UNC45A: variants seen among roughly 807,000 people sequenced by gnomAD.
UNC45A encodes the protein protein unc-45 homolog A.
UNC45A carries 78 observed loss-of-function variants against 103.2 expected under a neutral mutation model. That is an observed-to-expected ratio of 0.76 (90% CI 0.63 to 0.91). The LOEUF is 0.91. UNC45A is among the 40% of genes least tolerant of loss of function. The pLI, the probability that UNC45A is intolerant of heterozygous loss-of-function variation, is 0.00. For synonymous variants in UNC45A, 495 were observed against 504.6 expected (o/e 0.98, Z 0.25); for missense variants, 1,193 against 1,224.8 (o/e 0.97, Z 0.39).
chr15:90,948,822 G>A, intron 13 of UNC45A, 28 bp downstream of exon 13: 1 of 1,564,098 alleles, frequency 6.4e-7, no homozygotes, highest in Non-Finnish European at 8.7e-7. Flanking sequence ...GGGCTAGAGG[G>A]TTCCCCACCA....
Position 90,948,831 on chromosome 15 carries a change from C to T in UNC45A, c.1878+37C>T, listed in dbSNP as rs1334619203. ...CCAGAGGGGCTAGAGGGTTCCCCAC[C>T]ATGGGGACAGCTAACCCAGGGCATC... On this transcript the variant is annotated intron_variant, in intron 13 of 19. Coordinates refer to ENST00000418476, the MANE Select transcript of UNC45A (RefSeq NM_018671.5). 9 of 1,544,344 alleles carry T rather than the reference C, an allele frequency of 5.8e-6. No individual in the cohort carries two copies. The Admixed American group carries it at 6.0e-5, about 10-fold the overall frequency.
chr15:90,950,705 G>GGT (rs1421050120), intron 17 of UNC45A, 90 bp downstream of exon 17: 19 of 1,313,818 alleles, frequency 1.4e-5, no homozygotes, highest in Non-Finnish European at 1.8e-5. Flanking sequence ...AACACTCCTT[G>GGT]GTCATGGGCT....
rs769184246 is a variant in UNC45A at position 90,953,122 on chromosome 15, C to T, written c.2422-33C>T. On this transcript the variant is annotated intron_variant, in intron 18 of 19. Transcript: ENST00000418476. Reference sequence around the variant, plus strand: ...TGCCCTGGCTGGGCTTTACACCCAACTGACTTGGTCCACTCCTCACATCTG... The same window carrying T: ...TGCCCTGGCTGGGCTTTACACCCAATTGACTTGGTCCACTCCTCACATCTG... The T allele has an allele frequency of 3.1e-6, 5 of 1,612,900 alleles. No individual in the cohort carries two copies. In the Admixed American group the frequency reaches 8.3e-5, roughly 27 times the overall value.
chr15:90,936,774 T>C (rs1176563966), intron 4 of UNC45A, among the ~76,000 whole-genome samples: 2 of 152,170 alleles, frequency 1.3e-5, no homozygotes, highest in African/African-American at 4.8e-5. Flanking sequence ...CTTTAGCATA[T>C]CTATTCAATT....
In UNC45A at chr15:90,953,321, C is replaced by T. The variant is rs2037034218; in HGVS notation, c.2577+11C>T. The T allele has an allele frequency of 6.2e-7, 1 of 1,604,268 alleles. No homozygotes were observed. The highest frequency in any genetic ancestry group is 1.3e-5 in the African/African-American group (1 of 74,826). On this transcript the variant is annotated intron_variant, in intron 19 of 19. Coordinates refer to ENST00000418476, the MANE Select transcript of UNC45A (RefSeq NM_018671.5). ...CGCATTCCCCAAGTGGTCAGTGCCT[C>T]TTCTCAGTGGGGGAGGAGGGACGGA...
Position 90,948,210 on chromosome 15 carries a change from C to T in UNC45A, c.1664C>T (p.Thr555Ile), listed in dbSNP as rs200413252. ...GCAGTGGAGGGCCTGGCTTACCTGA[C>T]CTTTGATGCCGACGTGAAGGAAGAG... ...RWAVEGLAYL[T>I]FDADVKEEFV... is the part of the protein sequence containing the mutation. Residue 555 changes from threonine (T) to isoleucine (I), a missense_variant, in exon 12 of 20, where the codon ACC becomes ATC. Transcript: ENST00000418476. 12 of 1,614,168 alleles carry T rather than the reference C, an allele frequency of 7.4e-6. No homozygotes were observed. In the Admixed American group the frequency reaches 1.8e-4, roughly 25 times the overall value.
rs754556176 is a variant in UNC45A at position 90,946,694 on chromosome 15, AC to A, written c.1281del (p.Asp427GlufsTer9). 37 of 1,612,770 alleles carry A rather than the reference AC, an allele frequency of 2.3e-5. No individual in the cohort carries two copies. Among genetic ancestry groups the A allele is most frequent in the Non-Finnish European group, 3.1e-5 (36 of 1,179,992 alleles). On this transcript the variant is annotated frameshift_variant, in exon 10 of 20. Coordinates refer to ENST00000418476, the MANE Select transcript of UNC45A (RefSeq NM_018671.5). LOFTEE classifies it high-confidence loss of function. ...TCCTGCCTCCTGCAGGGCCCATGTG[AC>A]GCTGGCAACCGGGCCTTGGAGCTGA... The part of the protein sequence containing the change: ...TVSCLLQGPC[D>X]AGNRALELSG...
rs1429923474 is a variant in UNC45A at position 90,953,922 on chromosome 15, A to G, written c.*206A>G. The G allele has an allele frequency of 1.5e-6, 1 of 685,460 alleles. No individual in the cohort carries two copies. Among genetic ancestry groups the G allele is most frequent in the East Asian group, 2.8e-5 (1 of 35,938 alleles). 42.5% of individuals were successfully genotyped at this position (685,460 alleles called of 1,614,324 possible). ...CTTGGCCAGCACTGCCTGCAGCCTC[A>G]CTCAGAGGGGCCCTTTTTCTGTACT... is the stretch of plus-strand genomic sequence containing the variant. On this transcript the variant is annotated 3_prime_UTR_variant, in exon 20 of 20. Transcript: ENST00000418476.
intron 6 of UNC45A, 65 bp downstream of exon 6, chr15:90,940,538 C>G: frequency 6.5e-7 from 1 of 1,547,658 alleles, no homozygotes. Flanking sequence ...TCCATTCCTC[C>G]ATCCACCCAT....
chr15:90,939,882 C>G, intron 5 of UNC45A, 59 bp downstream of exon 5: 1 of 1,405,892 alleles, frequency 7.1e-7, no homozygotes, highest in South Asian at 1.5e-5. Context: ...CATCCATAGG[C>G]CCCCGAAGCC....
upstream of UNC45A, chr15:90,930,853 C>T (rs2151347167): frequency 4.6e-6 from 1 of 218,894 alleles, no homozygotes; most frequent in East Asian, 1.1e-4. Flanking sequence ...CACAATTAGT[C>T]CTGCTTTGCT....
At chr15:90,934,267 T>G (rs2035903919), upstream of UNC45A, 6 of 399,038 alleles carry the variant, frequency 1.5e-5, no homozygotes, top group Admixed American at 2.6e-4. Flanking sequence ...TCTTTTACTC[T>G]CCAGTAGGGG....
In UNC45A at chr15:90,936,447, A is replaced by G; in HGVS notation, c.413A>G (p.Gln138Arg). 1 of 1,614,106 alleles carries G rather than the reference A, an allele frequency of 6.2e-7. No homozygotes were observed. Among genetic ancestry groups the G allele is most frequent in the Non-Finnish European group, 8.5e-7 (1 of 1,179,970 alleles). Residue 138 changes from glutamine (Q) to arginine (R), a missense_variant, in exon 4 of 20, where the codon CAG (glutamine) becomes CGG (arginine). Physicochemically the swap from Gln to Arg is conservative, Grantham distance 43 (BLOSUM62 1). Coordinates refer to ENST00000418476, the MANE Select transcript of UNC45A (RefSeq NM_018671.5). ...FQEALRNIGG[Q>R]IQEKVRYMSS... is the part of the protein sequence containing the mutation. ...GAGGCCTTGCGGAACATCGGGGGCC[A>G]GATTCAGGAGAAGGTATGTGAGTGA... is the stretch of plus-strand genomic sequence containing the variant.
chr15:90,953,081 G>GA (rs770795981), intron 18 of UNC45A, 35 bp downstream of exon 18: 12 of 1,613,368 alleles, frequency 7.4e-6, no homozygotes, highest in Non-Finnish European at 1.0e-5. Flanking sequence ...GACAGGCGGG[G>GA]ATGCAGAGGT....
At chr15:90,930,886 C>G, upstream of UNC45A, 1 of 226,654 alleles carries the variant, frequency 4.4e-6, no homozygotes, top group Non-Finnish European at 9.0e-6. Context: ...TGCAGCCCAC[C>G]AGTCGGAGGC....
chr15:90,940,230 C>T (rs527715280), intron 5 of UNC45A, 76 bp from the exon 6 acceptor site: 32 of 1,511,166 alleles, frequency 2.1e-5, no homozygotes, highest in South Asian at 1.1e-4. Flanking sequence ...GTCCAGGGCT[C>T]GGGGCCCCTG....
chr15:90,945,071 A>G lies in UNC45A; in HGVS notation c.1199+8A>G. The G allele has an allele frequency of 6.2e-7, 1 of 1,610,572 alleles. No individual in the cohort carries two copies. Among genetic ancestry groups the G allele is most frequent in the Non-Finnish European group, 8.5e-7 (1 of 1,178,696 alleles). On this transcript the variant is annotated splice_region_variant and intron_variant, in intron 9 of 19. Coordinates refer to ENST00000418476, the MANE Select transcript of UNC45A (RefSeq NM_018671.5). ...TTGTGAAAACTACATCAAGTAAGGA[A>G]GTCTGTTTCACCTCCCGTTGCCAGG...
intron 9 of UNC45A, among the ~76,000 whole-genome samples, chr15:90,945,881 C>T (rs1209634827): frequency 6.8e-6 from 1 of 146,346 alleles, no homozygotes; most frequent in African/African-American, 2.5e-5. Flanking sequence ...CTGAGGTGAT[C>T]TGCCCGCCTT....
intron 6 of UNC45A, among the ~76,000 whole-genome samples, chr15:90,941,243 C>T (rs929014755): frequency 6.6e-6 from 1 of 152,134 alleles, no homozygotes; most frequent in Non-Finnish European, 1.5e-5. Context: ...ACACGTAGGG[C>T]TTGATCCCGA....
Sources: gnomAD v4.1 joint callset for allele counts (sites outside exome capture counted in the v4.1 genomes callset) on GRCh38, gnomAD v4.1.1 for gene constraint, MANE v1.5 for transcripts, NCBI Gene and HGNC (gene_info 2026-07-23, HGNC 2026-07-21) for gene names.